Variants in MFHAS1 observed in about 807,000 individuals in gnomAD.
The protein encoded by MFHAS1 is multifunctional ROCO family signaling regulator 1, also known as malignant fibrous histiocytoma-amplified sequence 1.
Under a neutral mutation model 70.4 loss-of-function variants are expected in MFHAS1, and 50 were observed. That is an observed-to-expected ratio of 0.71 (90% CI 0.57 to 0.90). The LOEUF (loss-of-function observed/expected upper bound fraction) is 0.90. MFHAS1 is among the 40% of genes least tolerant of loss of function. MFHAS1 has a pLI of 0.00. For synonymous variants in MFHAS1, 952 were observed against 620.0 expected (o/e 1.54, Z -7.96); for missense variants, 1,795 against 1,347.6 (o/e 1.33, Z -5.20).
rs547105345 is a variant in MFHAS1, at chr8:8,785,770, C to T, written c.*252G>A. ...TTTTTTTTTTCTTTTCTTCAAGTAG[C>T]GCGCTCCTTGGAGGATCACAGTTCT... On this transcript the variant is annotated 3_prime_UTR_variant, in exon 3 of 3. Coordinates refer to ENST00000276282, the MANE Select transcript of MFHAS1 (RefSeq NM_004225.3). 1.8e-4 allele frequency: 72 copies of T among 402,778 alleles called. No homozygotes were observed. Among genetic ancestry groups the T allele is most frequent in the Admixed American group, 5.2e-4 (13 of 24,906 alleles). 25.0% of individuals were successfully genotyped at this position (402,778 alleles called of 1,614,324 possible). A position where few individuals can be genotyped will look rare whatever the true frequency, so the allele number is the denominator to read the frequency against.
chr8:8,815,524 A>C (rs1237472180), intron 1 of MFHAS1, among the ~76,000 whole-genome samples: 1 of 152,194 alleles, frequency 6.6e-6, no homozygotes, highest in South Asian at 2.1e-4. Context: ...CTTCGCCAGC[A>C]TCTGTTGCTT....
At position 8,797,475 on chromosome 8, in the gene MFHAS1, C is replaced by A. The variant is rs1442600018; in HGVS notation, c.3015G>T (p.Gln1005His). 1.2e-6 allele frequency: 2 copies of A among 1,613,934 alleles called. No individual in the cohort carries two copies. Among genetic ancestry groups the A allele is most frequent in the Non-Finnish European group, 1.7e-6 (2 of 1,179,844 alleles). The change falls in exon 2 of 3, where the codon CAG (glutamine) becomes CAT (histidine). Residue 1005 changes from glutamine (Q) to histidine (H), a missense_variant. Physicochemically the swap from Gln to His is conservative, Grantham distance 24 (BLOSUM62 0). Coordinates refer to ENST00000276282, the MANE Select transcript of MFHAS1 (RefSeq NM_004225.3). ...PHAFPGELLS[Q>H]PRPEGVAEII... Reference sequence around the variant, plus strand: ...TCTCTGCCACTCCTTCCGGTCTGGGCTGACTCAGCAACTCCCCTGTAGGAG... The same window carrying A: ...TCTCTGCCACTCCTTCCGGTCTGGGATGACTCAGCAACTCCCCTGTAGGAG...
At chr8:8,813,969 TG>T (rs1806643515) in intron 1 of MFHAS1, among the ~76,000 whole-genome samples, 1 of 151,588 alleles carries the variant, frequency 6.6e-6, no homozygotes, top group Admixed American at 6.6e-5. Flanking sequence ...GACAGAGTAT[TG>T]CTCTGTTGCC....
At chr8:8,832,918 G>C (rs1045448569) in intron 1 of MFHAS1, among the ~76,000 whole-genome samples, 3 of 152,188 alleles carry the variant, frequency 2.0e-5, no homozygotes, top group African/African-American at 7.2e-5. Context: ...AGAAATACTT[G>C]AGACCGGGTA....
chr8:8,826,247 AGTGTGTGTGTGT>A lies in MFHAS1; in HGVS notation c.2999-28768_2999-28757del. Among the ~76,000 whole-genome samples the A allele has an allele frequency of 1.4e-5, 2 of 147,870 alleles. 1 individual carries two copies. Among genetic ancestry groups the A allele is most frequent in the South Asian group, 4.4e-4 (2 of 4,572 alleles). On this transcript the variant is annotated intron_variant, in intron 1 of 2. Transcript: ENST00000276282. The stretch of plus-strand genomic sequence containing the variant: ...AGAAATACTGCATGCAAACACAAAG[AGTGTGTGTGTGT>A]GTGTGTGTGTGTGTGTGTCGCACAC...
At chr8:8,834,501 T>A (rs1807527506) in intron 1 of MFHAS1, among the ~76,000 whole-genome samples, 1 of 152,246 alleles carries the variant, frequency 6.6e-6, no homozygotes, top group Admixed American at 6.5e-5. Context: ...GTACCTCTTC[T>A]GTGTTCACAT....
intron 1 of MFHAS1, among the ~76,000 whole-genome samples, chr8:8,834,337 C>T (rs1196437930): frequency 6.6e-6 from 1 of 152,102 alleles, no homozygotes; most frequent in Non-Finnish European, 1.5e-5. Flanking sequence ...GTTTATAAAG[C>T]CTACAGTAAT....
intron 1 of MFHAS1, among the ~76,000 whole-genome samples, chr8:8,871,132 G>T (rs900244559): frequency 6.6e-6 from 1 of 152,100 alleles, no homozygotes. Flanking sequence ...GGACAACCTG[G>T]GCTCTGCTAC....
At chr8:8,806,416 T>C (rs1013147702) in intron 1 of MFHAS1, among the ~76,000 whole-genome samples, 4 of 152,198 alleles carry the variant, frequency 2.6e-5, no homozygotes, top group African/African-American at 9.6e-5. Flanking sequence ...CATGCATTAA[T>C]ATTTGGAGAA....
At chr8:8,840,406 G>A (rs908537225) in intron 1 of MFHAS1, among the ~76,000 whole-genome samples, 5 of 148,602 alleles carry the variant, frequency 3.4e-5, no homozygotes, top group East Asian at 2.0e-4. Context: ...GCAGTGAGCC[G>A]AGATTGTGCC....
At chr8:8,856,321 GC>G (rs1808438086) in intron 1 of MFHAS1, among the ~76,000 whole-genome samples, 2 of 152,212 alleles carry the variant, frequency 1.3e-5, no homozygotes, top group Non-Finnish European at 2.9e-5. Flanking sequence ...TGGCACTGGG[GC>G]AAGCATGACC....
At chr8:8,801,519 T>C (rs2117265736) in intron 1 of MFHAS1, among the ~76,000 whole-genome samples, 1 of 152,330 alleles carries the variant, frequency 6.6e-6, no homozygotes. Context: ...ATCCTCAGGA[T>C]TTAAGAAACG....
chr8:8,804,837 G>T (rs1381715846), intron 1 of MFHAS1, among the ~76,000 whole-genome samples: 1 of 152,228 alleles, frequency 6.6e-6, no homozygotes, highest in East Asian at 1.9e-4. Flanking sequence ...TCCTTTCATG[G>T]CAGGTGCTCC....
chr8:8,791,684 C>A (rs572692113), intron 2 of MFHAS1, among the ~76,000 whole-genome samples: 6 of 152,174 alleles, frequency 3.9e-5, no homozygotes, highest in African/African-American at 7.2e-5. Flanking sequence ...AAAGATAATG[C>A]GGTCTACTTG....
At chr8:8,824,166 C>G (rs1807068390) in intron 1 of MFHAS1, among the ~76,000 whole-genome samples, 2 of 151,668 alleles carry the variant, frequency 1.3e-5, no homozygotes, top group Non-Finnish European at 2.9e-5. Context: ...TGAGAAGAAG[C>G]CAGTAAACAG....
chr8:8,794,649 T>C (rs574568730), intron 2 of MFHAS1, among the ~76,000 whole-genome samples: 1 of 152,348 alleles, frequency 6.6e-6, no homozygotes, highest in South Asian at 2.1e-4. Flanking sequence ...TTGCCAGGAA[T>C]ATGAAACTTC....
At chr8:8,859,721 C>A (rs559997716) in intron 1 of MFHAS1, among the ~76,000 whole-genome samples, 1 of 152,134 alleles carries the variant, frequency 6.6e-6, no homozygotes, top group African/African-American at 2.4e-5. Flanking sequence ...AATATAGTAT[C>A]TAATATCTAT....
chr8:8,809,409 G>T (rs2175161), intron 1 of MFHAS1, among the ~76,000 whole-genome samples: 121,231 of 151,656 alleles, frequency 0.8, 48,581 homozygotes, highest in South Asian at 0.91. Flanking sequence ...ACAATGGCCC[G>T]ACATGTAAGT....
intron 1 of MFHAS1, among the ~76,000 whole-genome samples, chr8:8,848,397 G>GAAA (rs11362070): frequency 7.6e-6 from 1 of 131,008 alleles, no homozygotes. Context: ...TAAAGAGGAA[G>GAAA]AAAAAAAAAA....
Sources: allele counts gnomAD v4.1 joint callset (sites outside exome capture counted in the v4.1 genomes callset), GRCh38; gene constraint gnomAD v4.1.1; transcripts MANE v1.5; gene names NCBI Gene and HGNC (gene_info 2026-07-23, HGNC 2026-07-21).